RGL1: variants seen among roughly 807,000 people sequenced by gnomAD.
The protein encoded by RGL1 is ral guanine nucleotide dissociation stimulator-like 1.
Under a neutral mutation model 95.2 loss-of-function variants are expected in RGL1, and 24 were observed. The observed-to-expected ratio is 0.25, with a 90% CI of 0.18 to 0.35. RGL1 has a LOEUF of 0.35. Among genes scored for constraint, RGL1 ranks in the 10% least tolerant of loss-of-function variants. The pLI is 1.00. For synonymous variants in RGL1, 329 were observed against 344.9 expected (o/e 0.95, Z 0.51); for missense variants, 715 against 936.3 (o/e 0.76, Z 3.08).
At chr1:183,879,242 ATTTTC>A (rs1666688199) in intron 4 of RGL1, among the ~76,000 whole-genome samples, 1 of 152,160 alleles carries the variant, frequency 6.6e-6, no homozygotes, top group South Asian at 2.1e-4. Flanking sequence ...TAACACATTT[ATTTTC>A]TTTCTGTTTG....
At chr1:183,817,347 C>T (rs1662156142) in intron 2 of RGL1, among the ~76,000 whole-genome samples, 1 of 152,154 alleles carries the variant, frequency 6.6e-6, no homozygotes, top group African/African-American at 2.4e-5. Context: ...CTGTTAGGAG[C>T]ACAGTTTTAA....
At chr1:183,697,876 C>T (rs974557556) in intron 1 of RGL1, among the ~76,000 whole-genome samples, 1 of 152,166 alleles carries the variant, frequency 6.6e-6, no homozygotes, top group Non-Finnish European at 1.5e-5. Context: ...TGAGTTGTAG[C>T]GGGGCTGGTC....
chr1:183,690,616 A>G (rs1000663362), intron 1 of RGL1, among the ~76,000 whole-genome samples: 1 of 152,206 alleles, frequency 6.6e-6, no homozygotes, highest in African/African-American at 2.4e-5. Flanking sequence ...GAGAGAAACT[A>G]CTGAACTAAA....
chr1:183,785,331 C>G (rs192168431), intron 2 of RGL1, among the ~76,000 whole-genome samples: 1 of 152,294 alleles, frequency 6.6e-6, no homozygotes, highest in East Asian at 1.9e-4. Flanking sequence ...TCCTGCCATT[C>G]CTTCGCTTGA....
chr1:183,643,182 G>A (rs536141728), intron 1 of RGL1, among the ~76,000 whole-genome samples: 2 of 152,094 alleles, frequency 1.3e-5, no homozygotes, highest in Non-Finnish European at 2.9e-5. Context: ...ATGGACATTT[G>A]GTTTGGTTCT....
intron 16 of RGL1, 120 bp from the exon 17 acceptor site, chr1:183,922,102 C>A: frequency 1.3e-6 from 1 of 774,110 alleles, no homozygotes. Flanking sequence ...TCCAATTCCA[C>A]GAGTCCGTTC....
chr1:183,647,844 G>A (rs1449241138), intron 1 of RGL1: 5 of 1,614,120 alleles, frequency 3.1e-6, no homozygotes, highest in Non-Finnish European at 3.4e-6. Flanking sequence ...GATATTCCTG[G>A]GTTTATTTGG....
At position 183,927,974 on chromosome 1, in the gene RGL1, G is replaced by A. The variant is rs1669708591; in HGVS notation, c.*1682G>A. The A allele has an allele frequency of 6.6e-6, 1 of 152,508 alleles. No individual in the cohort carries two copies. The highest frequency in any genetic ancestry group is 6.5e-5 in the Admixed American group (1 of 15,270). The allele number at this position is 152,508 out of a possible 1,614,324, so 9.4% of individuals were successfully genotyped here. On this transcript the variant is annotated 3_prime_UTR_variant, in exon 18 of 18. Transcript: ENST00000360851. ...CCAGGAAGTCCTCCAATTTCCTTTG[G>A]TCTTTCCAGGAGATTGGACTACACA...
chr1:183,888,436 GT>G (rs765073642), intron 7 of RGL1, 37 bp from the exon 8 acceptor site: 2 of 1,208,152 alleles, frequency 1.7e-6, no homozygotes, highest in South Asian at 2.4e-5. Flanking sequence ...AATATTGATA[GT>G]TAAATGCCTT....
At chr1:183,836,547 C>T (rs958299312) in intron 2 of RGL1, among the ~76,000 whole-genome samples, 4 of 152,050 alleles carry the variant, frequency 2.6e-5, no homozygotes, top group Non-Finnish European at 4.4e-5. Context: ...GGAATACAGG[C>T]GTGAGCCACT....
intron 1 of RGL1, among the ~76,000 whole-genome samples, chr1:183,693,572 C>CTAG (rs1654083543): frequency 6.7e-6 from 1 of 150,048 alleles, no homozygotes; most frequent in African/African-American, 2.5e-5. Flanking sequence ...AAGTGGCATT[C>CTAG]TAGATTACTT....
chr1:183,916,783 C>T, intron 16 of RGL1, 82 bp downstream of exon 16: 1 of 1,470,154 alleles, frequency 6.8e-7, no homozygotes, highest in Non-Finnish European at 9.2e-7. Flanking sequence ...ACTAATAGCC[C>T]TAAATATGCA....
intron 1 of RGL1, among the ~76,000 whole-genome samples, chr1:183,696,925 C>T (rs1208748213): frequency 1.3e-5 from 2 of 152,210 alleles, no homozygotes; most frequent in Admixed American, 1.3e-4. Flanking sequence ...AGAGCTTGAA[C>T]TATTCTAGTT....
chr1:183,922,651 T>C (rs1669379555), intron 17 of RGL1, among the ~76,000 whole-genome samples: 1 of 151,840 alleles, frequency 6.6e-6, no homozygotes, highest in Non-Finnish European at 1.5e-5. Context: ...AGGCAGAGGG[T>C]AGGGGAGTCT....
chr1:183,739,779 T>C (rs925455257), intron 1 of RGL1, among the ~76,000 whole-genome samples: 1 of 152,152 alleles, frequency 6.6e-6, no homozygotes, highest in Admixed American at 6.5e-5. Context: ...TGCATCTTCT[T>C]CCCAAATAGG....
At chr1:183,743,579 A>G (rs1657444732) in intron 2 of RGL1, among the ~76,000 whole-genome samples, 1 of 152,196 alleles carries the variant, frequency 6.6e-6, no homozygotes, top group African/African-American at 2.4e-5. Flanking sequence ...TTTCTGGGGC[A>G]AACTCACATG....
chr1:183,831,879 G>A (rs1663282166), intron 2 of RGL1, among the ~76,000 whole-genome samples: 1 of 152,184 alleles, frequency 6.6e-6, no homozygotes, highest in Admixed American at 6.5e-5. Flanking sequence ...AATATGGGAA[G>A]TATATGGCTA....
chr1:183,884,867 A>G lies in RGL1; in HGVS notation c.880A>G (p.Ile294Val), dbSNP rs1469705775. 1 of 1,614,058 alleles carries G rather than the reference A, an allele frequency of 6.2e-7. No homozygotes were observed. The highest frequency in any genetic ancestry group is 8.5e-7 in the Non-Finnish European group (1 of 1,180,010). The change falls in exon 7 of 18, where the codon ATC (isoleucine) becomes GTC (valine). Residue 294 changes from isoleucine to valine, a missense_variant. Ile to Val is a conservative substitution (Grantham distance 29, BLOSUM62 3). Transcript: ENST00000360851. ...CCTCACCAAATGTGTTGTCAGCACCATCCTGGGGGGCAAAGAACTCAAAAC... is the reference window on the plus strand; with the variant it reads ...CCTCACCAAATGTGTTGTCAGCACCGTCCTGGGGGGCAAAGAACTCAAAAC... Reference protein sequence around the residue: ...NTLTKCVVSTILGGKELKTQQ... With the variant: ...NTLTKCVVSTVLGGKELKTQQ...
chr1:183,907,143 A>G (rs776033281), intron 14 of RGL1, 42 bp downstream of exon 14: 18 of 1,228,578 alleles, frequency 1.5e-5, no homozygotes, highest in African/African-American at 5.9e-5. Context: ...AGAGGGTGCC[A>G]TCAGAGTCGT....
Sources: allele counts gnomAD v4.1 joint callset (sites outside exome capture counted in the v4.1 genomes callset), GRCh38; gene constraint gnomAD v4.1.1; transcripts MANE v1.5; gene names NCBI Gene and HGNC (gene_info 2026-07-23, HGNC 2026-07-21).